The following COL13A1 variants were observed in gnomAD, a reference collection of about 807,000 sequenced individuals.
COL13A1 encodes collagen alpha-1(XIII) chain.
Under a neutral mutation model 130.9 loss-of-function variants are expected in COL13A1, and 89 were observed. The ratio of observed to expected loss-of-function variants is 0.68; its 90% CI spans 0.57 to 0.81. COL13A1 has a LOEUF of 0.81. COL13A1 is among the 30% of genes least tolerant of loss of function. The probability of loss-of-function intolerance (pLI) is 0.00; values close to 1 mark genes in which losing one functional copy is unlikely to be tolerated. For synonymous variants in COL13A1, 402 were observed against 341.6 expected, an observed-to-expected ratio of 1.18 and a Z score of -1.95; for missense variants, 879 against 934.6, an observed-to-expected ratio of 0.94 and a Z score of 0.78.
chr10:69,827,221 G>A (rs932805513), intron 2 of COL13A1, among the ~76,000 whole-genome samples: 1 of 152,206 alleles, frequency 6.6e-6, no homozygotes, highest in Non-Finnish European at 1.5e-5. Context: ...GCTCAGAGCA[G>A]TAATGAGAAA....
chr10:69,929,023 G>A (rs1390147745), intron 28 of COL13A1, 24 bp downstream of exon 28: 1 of 1,602,980 alleles, frequency 6.2e-7, no homozygotes, highest in Non-Finnish European at 8.5e-7. Flanking sequence ...TGACAAAGGG[G>A]GTGAAGACTT....
At chr10:69,934,332 A>T (rs1264256247) in intron 31 of COL13A1, among the ~76,000 whole-genome samples, 1 of 152,234 alleles carries the variant, frequency 6.6e-6, no homozygotes, top group East Asian at 1.9e-4. Flanking sequence ...AACTTTTGTT[A>T]AAAATGGGAA....
Position 69,958,691 on chromosome 10 carries a change from T to G in COL13A1, c.2185-8T>G. On this transcript the variant is annotated splice_polypyrimidine_tract_variant and splice_region_variant and intron_variant, in intron 40 of 40. Coordinates refer to ENST00000645393, the MANE Select transcript of COL13A1 (RefSeq NM_001368882.1). ...CTAACAGAACATTGTTTTGTTTTTGTTTTGCAGTGATGCCTCTAACCTTGG... is the reference window on the plus strand; with the variant it reads ...CTAACAGAACATTGTTTTGTTTTTGGTTTGCAGTGATGCCTCTAACCTTGG... The G allele has an allele frequency of 1.2e-6, 2 of 1,613,996 alleles. No homozygotes were observed. Among genetic ancestry groups the G allele is most frequent in the Non-Finnish European group, 1.7e-6 (2 of 1,179,882 alleles).
At chr10:69,923,958 G>A in intron 24 of COL13A1, 103 bp downstream of exon 24, 14 of 1,431,506 alleles carry the variant, frequency 9.8e-6, no homozygotes, top group Non-Finnish European at 1.3e-5. Flanking sequence ...GCACAAGGCT[G>A]ACCGGCCATG....
chr10:69,929,022 G>C, intron 28 of COL13A1, 23 bp downstream of exon 28: 1 of 1,604,624 alleles, frequency 6.2e-7, no homozygotes, highest in Middle Eastern at 1.8e-4. Flanking sequence ...TTGACAAAGG[G>C]GGTGAAGACT....
intron 2 of COL13A1, among the ~76,000 whole-genome samples, chr10:69,845,824 C>A (rs974683568): frequency 2.0e-5 from 3 of 152,258 alleles, no homozygotes; most frequent in Non-Finnish European, 4.4e-5. Flanking sequence ...AATCTCCAAT[C>A]CTGTGGTCTG....
chr10:69,832,142 C>T (rs2132960654), intron 2 of COL13A1, among the ~76,000 whole-genome samples: 1 of 152,316 alleles, frequency 6.6e-6, no homozygotes, highest in East Asian at 1.9e-4. Flanking sequence ...TGTGGTATGG[C>T]TGCTCAAAGC....
chr10:69,936,395 T>C (rs16927094), intron 32 of COL13A1, among the ~76,000 whole-genome samples: 4,264 of 152,262 alleles, frequency 0.028, 177 homozygotes, highest in African/African-American at 0.086. Context: ...GGAATAATGA[T>C]AGGAGCCAGC....
chr10:69,863,156 C>G (rs1051433872), intron 2 of COL13A1, among the ~76,000 whole-genome samples: 1 of 152,172 alleles, frequency 6.6e-6, no homozygotes. Context: ...AGATGAGTCT[C>G]TGTGGCAGGA....
intron 32 of COL13A1, 51 bp downstream of exon 32, chr10:69,935,442 C>T (rs2066705645): frequency 7.3e-7 from 1 of 1,367,666 alleles, no homozygotes; most frequent in Non-Finnish European, 9.9e-7. Flanking sequence ...CCCCTCTCCA[C>T]AGCAGTCACT....
intron 13 of COL13A1, chr10:69,897,420 C>A: frequency 6.3e-7 from 1 of 1,583,290 alleles, no homozygotes; most frequent in Non-Finnish European, 8.7e-7. Flanking sequence ...TGTGGGCTCT[C>A]CCCTCACGGT....
At chr10:69,889,844 C>T (rs751843079) in intron 10 of COL13A1, among the ~76,000 whole-genome samples, 42 of 152,214 alleles carry the variant, frequency 2.8e-4, no homozygotes, top group Non-Finnish European at 4.6e-4. Context: ...TAACCCCTTC[C>T]GGGTGCTGGC....
At chr10:69,919,768 G>C (rs1188190730) in intron 21 of COL13A1, 41 bp downstream of exon 21, 3 of 398,560 alleles carry the variant, frequency 7.5e-6, no homozygotes, top group African/African-American at 2.1e-5. Context: ...CTTCATCCTA[G>C]CCTCACCATT....
intron 2 of COL13A1, among the ~76,000 whole-genome samples, chr10:69,857,629 C>A (rs1856804077): frequency 6.6e-6 from 1 of 152,064 alleles, no homozygotes; most frequent in Non-Finnish European, 1.5e-5. Context: ...TCCCTCCCAC[C>A]CCGAAAAATT....
intron 14 of COL13A1, 87 bp from the exon 15 acceptor site, chr10:69,902,661 G>A (rs1223378895): frequency 1.0e-5 from 11 of 1,061,094 alleles, no homozygotes; most frequent in African/African-American, 8.3e-5. Context: ...ATCACAGCAG[G>A]CCTTCACTGG....
chr10:69,876,128 A>G (rs1232466523), intron 5 of COL13A1, among the ~76,000 whole-genome samples: 2 of 152,194 alleles, frequency 1.3e-5, no homozygotes, highest in African/African-American at 4.8e-5. Context: ...GCGTTGTGCT[A>G]AGAGCCTTAT....
At chr10:69,920,096 C>T (rs1455452203) in intron 21 of COL13A1, among the ~76,000 whole-genome samples, 1 of 152,200 alleles carries the variant, frequency 6.6e-6, no homozygotes, top group Non-Finnish European at 1.5e-5. Context: ...GGGGCTCCCT[C>T]CCACTGCCAG....
At chr10:69,855,428 T>C (rs907105465) in intron 2 of COL13A1, among the ~76,000 whole-genome samples, 10 of 152,190 alleles carry the variant, frequency 6.6e-5, no homozygotes, top group African/African-American at 2.4e-4. Context: ...ATGTTTCACT[T>C]GATTGTGCTA....
intron 30 of COL13A1, 107 bp downstream of exon 30, chr10:69,930,659 G>A (rs1565101025): frequency 1.5e-6 from 2 of 1,291,820 alleles, no homozygotes; most frequent in Admixed American, 5.6e-5. Flanking sequence ...GCCTGGGCTA[G>A]AAACCTGGGG....
Sources: allele counts gnomAD v4.1 joint callset (sites outside exome capture counted in the v4.1 genomes callset), GRCh38; gene constraint gnomAD v4.1.1; transcripts MANE v1.5; gene names NCBI Gene and HGNC (gene_info 2026-07-23, HGNC 2026-07-21).